GPM6A: variants seen among roughly 807,000 people sequenced by gnomAD.
GPM6A encodes the protein neuronal membrane glycoprotein M6-a.
Under a neutral mutation model 32.1 loss-of-function variants are expected in GPM6A, and 7 were observed. The observed-to-expected ratio is 0.22, with a 90% CI of 0.12 to 0.41. The LOEUF (loss-of-function observed/expected upper bound fraction) is 0.41, where lower values mean the gene tolerates loss of function less well. GPM6A is among the 10% of genes least tolerant of loss of function. The pLI is 1.00. For missense variants in GPM6A, 235 were observed against 347.2 expected (o/e 0.68, Z 2.57); for synonymous variants, 130 against 123.4 (o/e 1.05, Z -0.35).
intron 1 of GPM6A, among the ~76,000 whole-genome samples, chr4:175,768,314 A>C (rs1040840284): frequency 2.0e-5 from 3 of 152,168 alleles, no homozygotes; most frequent in African/African-American, 7.2e-5. Flanking sequence ...AAGCATTCTA[A>C]GAAGGAAATA....
intron 1 of GPM6A, among the ~76,000 whole-genome samples, chr4:175,733,108 T>A: frequency 6.6e-6 from 1 of 152,182 alleles, no homozygotes; most frequent in Non-Finnish European, 1.5e-5. Context: ...CTTTTTACTG[T>A]ACAAAATCAC....
At chr4:175,639,791 A>T (rs1741029588) in intron 6 of GPM6A, among the ~76,000 whole-genome samples, 1 of 152,150 alleles carries the variant, frequency 6.6e-6, no homozygotes, top group Non-Finnish European at 1.5e-5. Context: ...GCTAAGGAAA[A>T]AAAAGTAAAT....
chr4:175,711,727 G>A (rs1486331271), intron 1 of GPM6A, among the ~76,000 whole-genome samples: 1 of 117,138 alleles, frequency 8.5e-6, no homozygotes, highest in Non-Finnish European at 1.7e-5. Context: ...GGTGGGGGGT[G>A]GGGAGGCTGG....
At chr4:175,819,670 T>C (rs1248794160) in intron 1 of GPM6A, among the ~76,000 whole-genome samples, 1 of 152,180 alleles carries the variant, frequency 6.6e-6, no homozygotes, top group Admixed American at 6.5e-5. Flanking sequence ...AGATGGGATT[T>C]AAACATAGGC....
chr4:175,638,287 A>C (rs972035655), intron 6 of GPM6A, among the ~76,000 whole-genome samples: 1 of 151,956 alleles, frequency 6.6e-6, no homozygotes, highest in African/African-American at 2.4e-5. Context: ...GAACAGTAGC[A>C]GTAGTTATAT....
At chr4:175,881,087 C>T (rs1737259121) in intron 1 of GPM6A, among the ~76,000 whole-genome samples, 1 of 152,134 alleles carries the variant, frequency 6.6e-6, no homozygotes, top group East Asian at 1.9e-4. Flanking sequence ...GTTTTGCAAT[C>T]TACTCATCTG....
chr4:175,735,463 T>G (rs913238730), intron 1 of GPM6A, among the ~76,000 whole-genome samples: 1 of 152,184 alleles, frequency 6.6e-6, no homozygotes, highest in Non-Finnish European at 1.5e-5. Context: ...GCATAGATGA[T>G]ATCACTGTAA....
At chr4:175,730,628 G>A (rs773738928) in intron 1 of GPM6A, among the ~76,000 whole-genome samples, 1 of 151,808 alleles carries the variant, frequency 6.6e-6, no homozygotes, top group South Asian at 2.1e-4. Flanking sequence ...CCGCCACCAC[G>A]CGCGGCTAAT....
intron 1 of GPM6A, among the ~76,000 whole-genome samples, chr4:175,819,602 A>G (rs1294451905): frequency 6.6e-6 from 1 of 152,214 alleles, no homozygotes; most frequent in Non-Finnish European, 1.5e-5. Context: ...CCATTTTGAT[A>G]GAGGAGGAAA....
At chr4:175,878,477 G>T (rs1359730908) in intron 1 of GPM6A, among the ~76,000 whole-genome samples, 1 of 152,052 alleles carries the variant, frequency 6.6e-6, no homozygotes, top group Non-Finnish European at 1.5e-5. Flanking sequence ...GCAACCACAG[G>T]CCCAACACCA....
intron 1 of GPM6A, among the ~76,000 whole-genome samples, chr4:175,752,682 C>A (rs1732382679): frequency 6.6e-6 from 1 of 152,092 alleles, no homozygotes; most frequent in Admixed American, 6.6e-5. Context: ...TTATTTCTAT[C>A]TTCTTCTATT....
At chr4:175,742,433 A>G (rs1171769356) in intron 1 of GPM6A, among the ~76,000 whole-genome samples, 1 of 152,194 alleles carries the variant, frequency 6.6e-6, no homozygotes, top group Non-Finnish European at 1.5e-5. Flanking sequence ...TGGGCTTATC[A>G]GTGACTTTTC....
intron 1 of GPM6A, among the ~76,000 whole-genome samples, chr4:175,913,797 G>A (rs893467669): frequency 4.6e-5 from 7 of 152,020 alleles, no homozygotes; most frequent in East Asian, 3.8e-4. Flanking sequence ...AAACCCACCC[G>A]GATAGCATGG....
chr4:175,875,628 G>A (rs1290043881), intron 1 of GPM6A, among the ~76,000 whole-genome samples: 1 of 151,992 alleles, frequency 6.6e-6, no homozygotes, highest in African/African-American at 2.4e-5. Flanking sequence ...TCGAGATGCT[G>A]GTTACTGGTA....
chr4:175,928,491 C>T (rs1475482866), intron 1 of GPM6A, among the ~76,000 whole-genome samples: 2 of 152,184 alleles, frequency 1.3e-5, no homozygotes, highest in African/African-American at 4.8e-5. Context: ...TTACTCCCCA[C>T]TTCCACTACC....
chr4:175,903,081 A>C (rs933225148), intron 1 of GPM6A, among the ~76,000 whole-genome samples: 1 of 152,164 alleles, frequency 6.6e-6, no homozygotes, highest in Non-Finnish European at 1.5e-5. Context: ...CACTAAAAGA[A>C]ACCACGGCTC....
intron 1 of GPM6A, 74 bp downstream of exon 1, chr4:175,812,117 G>A: frequency 9.0e-7 from 1 of 1,105,078 alleles, no homozygotes; most frequent in Non-Finnish European, 1.3e-6. Context: ...TAGCCTTACT[G>A]GCAAGTGTCT....
chr4:175,871,208 C>A lies in GPM6A; in HGVS notation c.-22-58959G>T, dbSNP rs910629891. Among the ~76,000 whole-genome samples the A allele has an allele frequency of 2.6e-5, 4 of 152,216 alleles. No individual in the cohort carries two copies. The East Asian group carries it at 7.7e-4, about 29-fold the overall frequency. On this transcript the variant is annotated intron_variant, in intron 1 of 7. Coordinates refer to the GPM6A transcript ENST00000280187. The stretch of plus-strand genomic sequence containing the variant: ...AGTCTGCCAGGCGCAGTGGCTCAGG[C>A]CTGTAATCCCAGCACTTTGGGTTGC...
chr4:175,771,110 T>C (rs1441833143), intron 1 of GPM6A, among the ~76,000 whole-genome samples: 4 of 152,138 alleles, frequency 2.6e-5, no homozygotes, highest in Non-Finnish European at 4.4e-5. Flanking sequence ...TATCCTAACC[T>C]ATCTCACCTT....
Sources: gnomAD v4.1 joint callset for allele counts (sites outside exome capture counted in the v4.1 genomes callset) on GRCh38, gnomAD v4.1.1 for gene constraint, MANE v1.5 for transcripts, NCBI Gene and HGNC (gene_info 2026-07-23, HGNC 2026-07-21) for gene names.